ASNS: variants seen among roughly 807,000 people sequenced by gnomAD.
ASNS encodes asparagine synthetase [glutamine-hydrolyzing].
In ASNS, 37 loss-of-function variants were observed where a neutral mutation model predicts 62.6. The ratio of observed to expected loss-of-function variants is 0.59; its 90% CI spans 0.45 to 0.78. ASNS has a LOEUF of 0.78. Among genes scored for constraint, ASNS ranks in the 30% least tolerant of loss-of-function variants. The pLI is 0.00. For missense variants in ASNS, 520 were observed against 682.4 expected (o/e 0.76, Z 2.65); for synonymous variants, 207 against 237.9 (o/e 0.87, Z 1.19).
chr7:97,861,112 C>G (rs1193950425), intron 4 of ASNS, among the ~76,000 whole-genome samples: 1 of 149,322 alleles, frequency 6.7e-6, no homozygotes, highest in Non-Finnish European at 1.5e-5. Flanking sequence ...AGCTCCGTCT[C>G]CCGGGTTCAC....
At chr7:97,904,918 G>T in the ASNS span, among the ~76,000 whole-genome samples, 1 of 151,988 alleles carries the variant, frequency 6.6e-6, no homozygotes, top group Non-Finnish European at 1.5e-5. Flanking sequence ...AACACCATTT[G>T]GGGACCACTG....
At chr7:97,908,627 C>T in the ASNS span, among the ~76,000 whole-genome samples, 4 of 152,088 alleles carry the variant, frequency 2.6e-5, no homozygotes, top group South Asian at 8.3e-4. Flanking sequence ...GTCTTGAACT[C>T]CTGACCTCAA....
chr7:97,854,948 T>A, intron 9 of ASNS: 1 of 471,026 alleles, frequency 2.1e-6, no homozygotes, highest in Non-Finnish European at 3.6e-6. Flanking sequence ...TTCTCAAGCT[T>A]AAGTAGTTTT....
intron 10 of ASNS, among the ~76,000 whole-genome samples, chr7:97,854,368 C>T (rs140425356): frequency 8.9e-4 from 136 of 152,350 alleles, no homozygotes; most frequent in African/African-American, 3.0e-3. Flanking sequence ...CACAACACCA[C>T]TTTGAAATGT....
At chr7:97,861,969 G>A (rs1791743709) in intron 4 of ASNS, among the ~76,000 whole-genome samples, 1 of 152,080 alleles carries the variant, frequency 6.6e-6, no homozygotes, top group South Asian at 2.1e-4. Flanking sequence ...CTCATTTTAA[G>A]TATGTAGTAT....
chr7:97,885,840 G>A, the ASNS span: 3 of 384,788 alleles, frequency 7.8e-6, no homozygotes, highest in Non-Finnish European at 1.5e-5. Context: ...AATCTAATGT[G>A]TATTTGACAC....
intron 5 of ASNS, 22 bp from the exon 6 acceptor site, chr7:97,858,977 A>C (rs1453212724): frequency 6.3e-7 from 1 of 1,582,894 alleles, no homozygotes; most frequent in South Asian, 1.2e-5. Context: ...GCAGTAAATC[A>C]AACAGCTCCA....
At chr7:97,913,592 G>A in the ASNS span, among the ~76,000 whole-genome samples, 3 of 151,932 alleles carry the variant, frequency 2.0e-5, no homozygotes, top group Admixed American at 1.3e-4. Flanking sequence ...ATATCTGCAA[G>A]AGTAGAAGCT....
At chr7:97,858,176 T>G in intron 7 of ASNS, 102 bp downstream of exon 7, 2 of 1,467,258 alleles carry the variant, frequency 1.4e-6, no homozygotes, top group Non-Finnish European at 1.8e-6. Context: ...ATTGACCCAG[T>G]CAATACAGCA....
upstream of ASNS, among the ~76,000 whole-genome samples, chr7:97,874,235 A>C (rs1168318666): frequency 6.6e-6 from 1 of 152,220 alleles, no homozygotes; most frequent in Non-Finnish European, 1.5e-5. Context: ...TTTTGAAAGA[A>C]GAGAAATATG....
At chr7:97,921,553 T>C in the ASNS span, among the ~76,000 whole-genome samples, 1 of 152,198 alleles carries the variant, frequency 6.6e-6, no homozygotes, top group African/African-American at 2.4e-5. Flanking sequence ...GACCAGCAGC[T>C]GGCACACAGG....
At chr7:97,907,349 A>T in the ASNS span, among the ~76,000 whole-genome samples, 1 of 152,224 alleles carries the variant, frequency 6.6e-6, no homozygotes, top group South Asian at 2.1e-4. Context: ...TTATCAAAAG[A>T]GTATAAAAGA....
chr7:97,880,522 G>T, the ASNS span, among the ~76,000 whole-genome samples: 737 of 152,228 alleles, frequency 4.8e-3, 2 homozygotes, highest in African/African-American at 0.017. Flanking sequence ...GAAACCTAGG[G>T]GTGTTCAGAA....
intron 9 of ASNS, 158 bp from the exon 10 acceptor site, chr7:97,854,838 C>T: frequency 1.5e-6 from 2 of 1,330,974 alleles, no homozygotes; most frequent in South Asian, 1.4e-5. Flanking sequence ...CTTCACAAAA[C>T]ATGCCTTCCT....
the ASNS span, among the ~76,000 whole-genome samples, chr7:97,926,122 C>T: frequency 2.7e-5 from 4 of 150,098 alleles, no homozygotes; most frequent in South Asian, 2.2e-4. Context: ...CCTGGGGTCC[C>T]GATTTACCTG....
the ASNS span, among the ~76,000 whole-genome samples, chr7:97,921,149 A>G: frequency 1.3e-5 from 2 of 152,134 alleles, no homozygotes; most frequent in Admixed American, 1.3e-4. Context: ...CCTGATGCCA[A>G]AGATCTGCAA....
chr7:97,873,465 C>T (rs1314914733), upstream of ASNS, among the ~76,000 whole-genome samples: 1 of 152,172 alleles, frequency 6.6e-6, no homozygotes, highest in African/African-American at 2.4e-5. Context: ...ATGGAGTAGT[C>T]GCTTAGTAGT....
At chr7:97,879,445 A>C in the ASNS span, among the ~76,000 whole-genome samples, 1 of 152,224 alleles carries the variant, frequency 6.6e-6, no homozygotes, top group African/African-American at 2.4e-5. Context: ...AATATGGCAG[A>C]GGTGATGGGA....
At chr7:97,927,071 C>CT in the ASNS span, among the ~76,000 whole-genome samples, 558 of 40,510 alleles carry the variant, frequency 0.014, 127 homozygotes, top group Middle Eastern at 0.028. Context: ...CCACACCTGG[C>CT]TTTTTTTTTT....
Sources: gnomAD v4.1 joint callset for allele counts (sites outside exome capture counted in the v4.1 genomes callset) on GRCh38, gnomAD v4.1.1 for gene constraint, MANE v1.5 for transcripts, NCBI Gene and HGNC (gene_info 2026-07-23, HGNC 2026-07-21) for gene names.